The following TENM2 variants were observed in gnomAD, a reference collection of about 807,000 sequenced individuals.
TENM2 encodes teneurin transmembrane protein 2, also known as teneurin-2.
In TENM2, 52 loss-of-function variants were observed where a neutral mutation model predicts 245.2. That is an observed-to-expected ratio of 0.21 (90% CI 0.17 to 0.27). TENM2 has a LOEUF of 0.27. TENM2 is among the 10% of genes least tolerant of loss of function. The pLI is 1.00. For missense variants in TENM2, 3,046 were observed against 3,666.8 expected (o/e 0.83, Z 4.37); for synonymous variants, 1,363 against 1,438.9 (o/e 0.95, Z 1.19).
rs992454403 is a variant in TENM2 at position 168,146,019 on chromosome 5, T to C, written c.2423-16592T>C. 1.4e-4 allele frequency among the ~76,000 whole-genome samples: 20 copies of C among 147,100 alleles called. No homozygotes were observed. In the East Asian group the frequency reaches 1.6e-3, roughly 12 times the overall value. Reference sequence around the variant, plus strand: ...TGTATAAGAATGCTTGTGATTTTTGTACATTGATTTTGTATCCTGAGACTT... The same window carrying C: ...TGTATAAGAATGCTTGTGATTTTTGCACATTGATTTTGTATCCTGAGACTT... On this transcript the variant is annotated intron_variant, in intron 12 of 28. Transcript: ENST00000518659.
At chr5:167,646,718 C>G (rs1779991030) in intron 2 of TENM2, among the ~76,000 whole-genome samples, 1 of 151,936 alleles carries the variant, frequency 6.6e-6, no homozygotes, top group Non-Finnish European at 1.5e-5. Flanking sequence ...CCCATCTTAT[C>G]AAATGAAAAA....
intron 1 of TENM2, among the ~76,000 whole-genome samples, chr5:167,354,419 T>C (rs969465610): frequency 6.6e-6 from 1 of 152,236 alleles, no homozygotes; most frequent in Non-Finnish European, 1.5e-5. Context: ...CCATAAACCA[T>C]TGTCTTATAA....
rs1554127838 is a variant in TENM2 at position 167,834,661 on chromosome 5, T to TTTTTTTTTTTC, written c.503-41325_503-41324insTTTTTTTTTTC. 4.8e-5 allele frequency among the ~76,000 whole-genome samples: 6 copies of TTTTTTTTTTTC among 124,814 alleles called. 2 individuals are homozygous for TTTTTTTTTTTC. Among genetic ancestry groups the TTTTTTTTTTTC allele is most frequent in the Admixed American group, 1.6e-4 (2 of 12,200 alleles). The allele number at this position is 124,814 out of a possible 152,430, so 81.9% of individuals were successfully genotyped here. A position where few individuals can be genotyped will look rare whatever the true frequency, so the allele number is the denominator to read the frequency against. ...ATTTCTTTTTTTTTTTTTTTTTTTT[T>TTTTTTTTTTTC]CTTTTTGAGACGGAGTCTCGCTCTG... On this transcript the variant is annotated intron_variant, in intron 2 of 28. Coordinates refer to ENST00000518659, the Ensembl canonical transcript of TENM2.
chr5:168,036,077 G>A (rs1787636408), intron 5 of TENM2, among the ~76,000 whole-genome samples: 2 of 152,174 alleles, frequency 1.3e-5, no homozygotes, highest in South Asian at 4.1e-4. Flanking sequence ...TGTTAAGGGA[G>A]ACACCAGCCC....
At chr5:167,155,479 C>T in the TENM2 span, among the ~76,000 whole-genome samples, 20 of 152,070 alleles carry the variant, frequency 1.3e-4, no homozygotes, top group African/African-American at 4.3e-4. Flanking sequence ...TTAAACTTGC[C>T]CCTGAACCCT....
At chr5:167,138,361 C>T in the TENM2 span, among the ~76,000 whole-genome samples, 1 of 151,980 alleles carries the variant, frequency 6.6e-6, no homozygotes, top group Admixed American at 6.5e-5. Context: ...TAGGAATGAC[C>T]CAGAGCTAGA....
chr5:168,031,036 G>A (rs1332741317), intron 5 of TENM2, among the ~76,000 whole-genome samples: 1 of 152,102 alleles, frequency 6.6e-6, no homozygotes, highest in Admixed American at 6.5e-5. Flanking sequence ...CACCCCAACT[G>A]CACCCCCCGA....
At position 167,906,779 on chromosome 5, in the gene TENM2, C is replaced by T. The variant is rs1303986767; in HGVS notation, c.712+30584C>T. On this transcript the variant is annotated intron_variant, in intron 3 of 28. Coordinates refer to ENST00000518659, the Ensembl canonical transcript of TENM2. ...TCTTACTTCTCTTTTTTTAGGCTCT[C>T]TGCTAATTGGCTACGTTACATCCCT... Among the ~76,000 whole-genome samples the T allele has an allele frequency of 4.6e-5, 7 of 152,056 alleles. No homozygotes were observed. In the East Asian group the frequency reaches 1.4e-3, roughly 29 times the overall value.
chr5:167,830,956 T>C (rs1263302405), intron 2 of TENM2, among the ~76,000 whole-genome samples: 1 of 152,184 alleles, frequency 6.6e-6, no homozygotes. Flanking sequence ...GCTTGTGTTG[T>C]TTCCAGCTTT....
chr5:167,239,819 C>A, the TENM2 span, among the ~76,000 whole-genome samples: 1 of 152,320 alleles, frequency 6.6e-6, no homozygotes, highest in Non-Finnish European at 1.5e-5. Flanking sequence ...GTTGCCCAGG[C>A]TGGAGTGCAA....
At chr5:167,829,396 G>A (rs768030105) in intron 2 of TENM2, among the ~76,000 whole-genome samples, 54 of 152,252 alleles carry the variant, frequency 3.5e-4, no homozygotes, top group Non-Finnish European at 6.9e-4. Flanking sequence ...ACCACACACT[G>A]AGCATCTGAT....
the TENM2 span, among the ~76,000 whole-genome samples, chr5:167,129,008 A>G: frequency 2.0e-5 from 3 of 152,314 alleles, no homozygotes; most frequent in African/African-American, 7.2e-5. Context: ...TCTGCTGTCC[A>G]CGACCCCTGT....
At chr5:167,789,213 T>A (rs1302120499) in intron 2 of TENM2, among the ~76,000 whole-genome samples, 1 of 152,210 alleles carries the variant, frequency 6.6e-6, no homozygotes, top group Non-Finnish European at 1.5e-5. Flanking sequence ...TTGAAATCCA[T>A]ATTTTTCTTT....
chr5:167,452,821 A>G (rs1340614365), intron 2 of TENM2, among the ~76,000 whole-genome samples: 1 of 150,422 alleles, frequency 6.6e-6, no homozygotes, highest in African/African-American at 2.4e-5. Context: ...TAGGAGATAT[A>G]CCTAATGTAA....
chr5:167,866,168 G>A (rs1460372576), intron 2 of TENM2, among the ~76,000 whole-genome samples: 1 of 152,216 alleles, frequency 6.6e-6, no homozygotes, highest in African/African-American at 2.4e-5. Flanking sequence ...GGTTGTTCTT[G>A]AGATGAGTCT....
chr5:168,098,056 A>G (rs780637270), exon 9 of TENM2: 1 of 1,613,732 alleles, frequency 6.2e-7, no homozygotes, highest in East Asian at 2.2e-5. Context: ...CGTAACTGCC[A>G]TGGGAATGGT....
the TENM2 span, among the ~76,000 whole-genome samples, chr5:167,010,911 A>C: frequency 6.6e-6 from 1 of 152,214 alleles, no homozygotes; most frequent in African/African-American, 2.4e-5. Flanking sequence ...TTTGCTCAGT[A>C]CTTTATAAAT....
At chr5:167,311,671 G>C (rs1202038207) in intron 1 of TENM2, among the ~76,000 whole-genome samples, 1 of 152,098 alleles carries the variant, frequency 6.6e-6, no homozygotes, top group African/African-American at 2.4e-5. Flanking sequence ...CATTTCTTCA[G>C]AATACATCTG....
chr5:167,370,216 C>T (rs1457282951), intron 1 of TENM2, among the ~76,000 whole-genome samples: 2 of 150,336 alleles, frequency 1.3e-5, no homozygotes, highest in African/African-American at 4.9e-5. Flanking sequence ...GTGGCGGGTG[C>T]CTGTAGTCCC....
Sources: gnomAD v4.1 joint callset for allele counts (sites outside exome capture counted in the v4.1 genomes callset) on GRCh38, gnomAD v4.1.1 for gene constraint, MANE v1.5 for transcripts, NCBI Gene and HGNC (gene_info 2026-07-23, HGNC 2026-07-21) for gene names.